The following LRMDA variants were observed in gnomAD, a reference collection of about 807,000 sequenced individuals.
The protein encoded by LRMDA is leucine-rich melanocyte differentiation-associated protein.
LRMDA carries 18 observed loss-of-function variants against 29.8 expected under a neutral mutation model. The ratio of observed to expected loss-of-function variants is 0.60; its 90% confidence interval spans 0.42 to 0.90. The LOEUF (loss-of-function observed/expected upper bound fraction) is 0.90. LRMDA is among the 40% of genes least tolerant of loss of function. The pLI is 0.00. For synonymous variants in LRMDA, 125 were observed against 109.4 expected (o/e 1.14, Z -0.89); for missense variants, 273 against 273.9 (o/e 1.00, Z 0.02).
chr10:76,551,831 C>T (rs1843499075), intron 6 of LRMDA, among the ~76,000 whole-genome samples: 2 of 152,162 alleles, frequency 1.3e-5, no homozygotes, highest in Admixed American at 1.3e-4. Context: ...CTTTTCCTCT[C>T]TGTCACTGGG....
At chr10:76,090,206 G>C (rs1849208440) in intron 5 of LRMDA, among the ~76,000 whole-genome samples, 1 of 152,196 alleles carries the variant, frequency 6.6e-6, no homozygotes. Context: ...GCCATTGCCT[G>C]GACTGCCTTT....
intron 5 of LRMDA, among the ~76,000 whole-genome samples, chr10:76,105,160 A>G (rs1307081057): frequency 6.6e-6 from 1 of 152,104 alleles, no homozygotes; most frequent in Non-Finnish European, 1.5e-5. Flanking sequence ...TTTCCAGAAC[A>G]CTTACCACGT....
intron 5 of LRMDA, among the ~76,000 whole-genome samples, chr10:76,243,751 T>C (rs888099169): frequency 6.6e-6 from 1 of 152,028 alleles, no homozygotes; most frequent in African/African-American, 2.4e-5. Flanking sequence ...AGTGAGAAAA[T>C]GAGCTGTGGA....
intron 2 of LRMDA, among the ~76,000 whole-genome samples, chr10:75,852,483 T>C (rs1844748115): frequency 6.6e-6 from 1 of 151,970 alleles, no homozygotes; most frequent in African/African-American, 2.4e-5. Context: ...TTACCTGTCA[T>C]TTAAAGTTCT....
intron 5 of LRMDA, among the ~76,000 whole-genome samples, chr10:76,322,987 T>C (rs751812815): frequency 6.6e-6 from 1 of 152,116 alleles, no homozygotes; most frequent in Non-Finnish European, 1.5e-5. Context: ...TTAATAATTT[T>C]GGGCTCTACA....
intron 5 of LRMDA, 117 bp downstream of exon 5, chr10:76,058,900 A>G (rs546172398): frequency 2.5e-6 from 2 of 799,488 alleles, no homozygotes; most frequent in African/African-American, 1.7e-5. Flanking sequence ...TCTCACATGA[A>G]GGGTCCTTCC....
intron 2 of LRMDA, among the ~76,000 whole-genome samples, chr10:75,671,661 T>C (rs1197088610): frequency 3.0e-4 from 46 of 152,174 alleles, no homozygotes; most frequent in Non-Finnish European, 1.9e-4. Context: ...CAGGGAGGGA[T>C]AGCATTAACA....
intron 2 of LRMDA, among the ~76,000 whole-genome samples, chr10:75,611,937 CT>C (rs951605005): frequency 3.0e-4 from 46 of 152,198 alleles, no homozygotes; most frequent in Non-Finnish European, 4.9e-4. Context: ...CCTGTTGATA[CT>C]TTTTTGGTCC....
intron 6 of LRMDA, among the ~76,000 whole-genome samples, chr10:76,454,241 C>A (rs555706332): frequency 6.6e-6 from 1 of 152,096 alleles, no homozygotes; most frequent in Non-Finnish European, 1.5e-5. Context: ...ATAGACAAAA[C>A]GTTGATCTTT....
intron 2 of LRMDA, among the ~76,000 whole-genome samples, chr10:75,796,694 T>C (rs1238089410): frequency 6.6e-6 from 1 of 152,198 alleles, no homozygotes; most frequent in Non-Finnish European, 1.5e-5. Context: ...TGCCTCAGCC[T>C]CCCAGTTAGC....
At chr10:75,516,656 T>A (rs1411335208) in intron 2 of LRMDA, among the ~76,000 whole-genome samples, 1 of 152,184 alleles carries the variant, frequency 6.6e-6, no homozygotes, top group African/African-American at 2.4e-5. Flanking sequence ...AGGTTGCCTG[T>A]TCACTCTGAT....
intron 5 of LRMDA, among the ~76,000 whole-genome samples, chr10:76,285,099 T>A (rs898679438): frequency 2.6e-5 from 4 of 152,200 alleles, no homozygotes; most frequent in African/African-American, 9.6e-5. Context: ...GTCTGTTTCA[T>A]TCACTCATGA....
chr10:75,958,904 C>A (rs1846712457), intron 2 of LRMDA, among the ~76,000 whole-genome samples: 1 of 152,130 alleles, frequency 6.6e-6, no homozygotes, highest in Non-Finnish European at 1.5e-5. Context: ...GAAATGAGAA[C>A]CAAGTGAAAG....
intron 6 of LRMDA, among the ~76,000 whole-genome samples, chr10:76,329,714 G>C (rs551655977): frequency 6.6e-6 from 1 of 152,204 alleles, no homozygotes; most frequent in South Asian, 2.1e-4. Context: ...ATTATAATTA[G>C]TTATCATTTG....
chr10:76,386,016 A>G (rs1336816556), intron 6 of LRMDA, among the ~76,000 whole-genome samples: 1 of 152,168 alleles, frequency 6.6e-6, no homozygotes, highest in Non-Finnish European at 1.5e-5. Context: ...GACAAAGAAA[A>G]TCTAGAGGGA....
chr10:75,689,418 G>C (rs537690967), intron 2 of LRMDA, among the ~76,000 whole-genome samples: 1 of 152,210 alleles, frequency 6.6e-6, no homozygotes, highest in African/African-American at 2.4e-5. Flanking sequence ...TCTCTAGGTT[G>C]CCCTTTCTTA....
At chr10:75,783,544 A>G (rs1843420915) in intron 2 of LRMDA, among the ~76,000 whole-genome samples, 1 of 151,910 alleles carries the variant, frequency 6.6e-6, no homozygotes. Context: ...TAGGGTATCT[A>G]CTACCTAGCA....
At position 75,557,317 on chromosome 10, in the gene LRMDA, T is replaced by TAAGAA. The variant is rs1554899995; in HGVS notation, c.131+118825_131+118826insGAAAA. 8.4e-5 allele frequency among the ~76,000 whole-genome samples: 12 copies of TAAGAA among 142,430 alleles called. No homozygotes were observed. In the East Asian group the frequency reaches 2.3e-3, roughly 27 times the overall value. 93.4% of individuals were successfully genotyped at this position (142,430 alleles called of 152,430 possible). On this transcript the variant is annotated intron_variant, in intron 2 of 6. Transcript: ENST00000611255. ...AGACAGAGCGAGACTCTGTCTCAATTAAAAAAAAAAAAAAGTAAAATGGTA... is the reference window on the plus strand; with the variant it reads ...AGACAGAGCGAGACTCTGTCTCAATTAAGAAAAAAAAAAAAAAAAGTAAAATGGTA...
At position 75,890,505 on chromosome 10, in the gene LRMDA, C is replaced by G. The variant is rs541395417; in HGVS notation, c.132-145503C>G. Among the ~76,000 whole-genome samples, 4 of 145,764 alleles carry G rather than the reference C, an allele frequency of 2.7e-5. No individual in the cohort carries two copies. The East Asian group carries it at 5.8e-4, about 21-fold the overall frequency. On this transcript the variant is annotated intron_variant, in intron 2 of 6. Coordinates refer to ENST00000611255, the MANE Select transcript of LRMDA (RefSeq NM_001305581.2). ...TCATCTTTGCTGGTGATATATGAAG[C>G]CGATCCAGGGTTCTCAGAGTTGGAC...
Sources: gnomAD v4.1 joint callset for allele counts (sites outside exome capture counted in the v4.1 genomes callset) on GRCh38, gnomAD v4.1.1 for gene constraint, MANE v1.5 for transcripts, NCBI Gene and HGNC (gene_info 2026-07-23, HGNC 2026-07-21) for gene names.